SAMMSON: variants seen among roughly 807,000 people sequenced by gnomAD.
SAMMSON encodes long intergenic non-protein coding RNA 1212.
At chr3:70,142,233 A>G (rs188538531) in intron 4 of SAMMSON, among the ~76,000 whole-genome samples, 54 of 152,350 alleles carry the variant, frequency 3.5e-4, no homozygotes, top group Admixed American at 1.8e-3. Context: ...TTGCATATGC[A>G]TATTTATAGC....
At position 70,086,559 on chromosome 3, in the gene SAMMSON, G is replaced by T. The variant is rs117756508; in HGVS notation, n.507+14994G>T. Among the ~76,000 whole-genome samples, 155 of 152,268 alleles carry T rather than the reference G, an allele frequency of 1.0e-3. 2 individuals are homozygous for T. The East Asian group carries it at 0.025, about 24-fold the overall frequency. On this transcript the variant is annotated intron_variant and non_coding_transcript_variant, in intron 4 of 9. Transcript: ENST00000642114. ...ACCATGCTGAGTTCTGTCTGGGTTG[G>T]ATGCTAAAACAAGAGCCTCAGACTT...
intron 4 of SAMMSON, among the ~76,000 whole-genome samples, chr3:70,114,606 C>G (rs993462650): frequency 6.6e-6 from 1 of 152,120 alleles, no homozygotes; most frequent in Admixed American, 6.6e-5. Flanking sequence ...CACCTTCGTG[C>G]CTCTGTTTAG....
chr3:70,181,367 G>T (rs1701052175), intron 4 of SAMMSON, among the ~76,000 whole-genome samples: 1 of 152,174 alleles, frequency 6.6e-6, no homozygotes, highest in African/African-American at 2.4e-5. Flanking sequence ...ATGCAAGTGT[G>T]GTTTTTCTTG....
intron 2 of SAMMSON, among the ~76,000 whole-genome samples, chr3:70,433,057 T>G (rs1408276362): frequency 6.6e-6 from 1 of 152,092 alleles, no homozygotes; most frequent in Non-Finnish European, 1.5e-5. Context: ...ACAGTTTGTC[T>G]GTCCATTCAT....
At chr3:70,237,955 G>GAAAAGAAACT (rs2106639249) in intron 4 of SAMMSON, among the ~76,000 whole-genome samples, 1 of 124,166 alleles carries the variant, frequency 8.1e-6, no homozygotes, top group African/African-American at 3.2e-5. Context: ...AAAGAGAAGG[G>GAAAAGAAACT]AAAAGAAACT....
At chr3:70,305,387 G>A (rs1702390716) in intron 7 of SAMMSON, among the ~76,000 whole-genome samples, 1 of 152,120 alleles carries the variant, frequency 6.6e-6, no homozygotes, top group African/African-American at 2.4e-5. Context: ...AGTAAAAAGA[G>A]TCTCAAGATA....
At chr3:70,307,098 C>T (rs1252911506) in intron 7 of SAMMSON, among the ~76,000 whole-genome samples, 2 of 152,102 alleles carry the variant, frequency 1.3e-5, no homozygotes, top group Non-Finnish European at 2.9e-5. Flanking sequence ...TTTAGAGATA[C>T]ACCCTCCTAG....
intron 7 of SAMMSON, among the ~76,000 whole-genome samples, chr3:70,353,658 G>A (rs1702810170): frequency 6.6e-6 from 1 of 152,134 alleles, no homozygotes; most frequent in African/African-American, 2.4e-5. Context: ...CTGAAAAACA[G>A]TTTGGTAGTT....
chr3:70,126,007 G>C, intron 4 of SAMMSON: 1 of 828,268 alleles, frequency 1.2e-6, no homozygotes. Context: ...GGGAGGCTGC[G>C]CAGTAATTGA....
At chr3:70,046,917 ATCAGG>A (rs2067129119) in intron 3 of SAMMSON, among the ~76,000 whole-genome samples, 1 of 151,968 alleles carries the variant, frequency 6.6e-6, no homozygotes, top group Non-Finnish European at 1.5e-5. Context: ...CTCTGACATC[ATCAGG>A]GAAAGGCCTT....
chr3:70,389,783 G>A (rs1332940711), exon 10 of SAMMSON: 1 of 152,184 alleles, frequency 6.6e-6, no homozygotes, highest in East Asian at 1.9e-4. Context: ...TGAGGACCAG[G>A]AAGTGGTCAT....
intron 4 of SAMMSON, chr3:70,125,331 GT>G: frequency 7.0e-7 from 1 of 1,424,984 alleles, no homozygotes; most frequent in Non-Finnish European, 9.7e-7. Flanking sequence ...TCTTGAACAT[GT>G]TTAGCTAAAT....
At chr3:70,353,636 A>C (rs1434686736) in intron 7 of SAMMSON, among the ~76,000 whole-genome samples, 2 of 152,340 alleles carry the variant, frequency 1.3e-5, no homozygotes, top group East Asian at 3.9e-4. Context: ...AATGTAAAAT[A>C]GTAGAGCCAC....
intron 4 of SAMMSON, among the ~76,000 whole-genome samples, chr3:70,230,749 C>T (rs897635667): frequency 6.6e-6 from 1 of 152,166 alleles, no homozygotes; most frequent in Non-Finnish European, 1.5e-5. Flanking sequence ...CCCATGCCTT[C>T]ACCCTCCTTG....
chr3:70,026,476 T>C (rs2107582391), intron 3 of SAMMSON, among the ~76,000 whole-genome samples: 1 of 152,308 alleles, frequency 6.6e-6, no homozygotes, highest in Admixed American at 6.5e-5. Context: ...AGTAAAGCTT[T>C]CCTAAATATC....
intron 2 of SAMMSON, among the ~76,000 whole-genome samples, chr3:70,414,421 A>G (rs1701245910): frequency 6.6e-6 from 1 of 152,178 alleles, no homozygotes; most frequent in Non-Finnish European, 1.5e-5. Context: ...TTTCATAAAT[A>G]ACCAACCTAT....
chr3:70,153,061 G>A (rs1340260058), intron 4 of SAMMSON, among the ~76,000 whole-genome samples: 2 of 151,996 alleles, frequency 1.3e-5, no homozygotes, highest in East Asian at 3.9e-4. Flanking sequence ...GAATTGCAGA[G>A]CCAACACATT....
chr3:70,334,405 T>A (rs199909965), intron 7 of SAMMSON, among the ~76,000 whole-genome samples: 1 of 151,986 alleles, frequency 6.6e-6, no homozygotes, highest in South Asian at 2.1e-4. Flanking sequence ...TATATGTACA[T>A]AATATACAAA....
intron 4 of SAMMSON, among the ~76,000 whole-genome samples, chr3:70,229,361 G>A (rs968559242): frequency 1.3e-5 from 2 of 152,084 alleles, no homozygotes; most frequent in East Asian, 1.9e-4. Flanking sequence ...TGGTATATCC[G>A]ATCCTTCAAA....
Sources: gnomAD v4.1 joint callset for allele counts (sites outside exome capture counted in the v4.1 genomes callset) on GRCh38, gnomAD v4.1.1 for gene constraint, MANE v1.5 for transcripts, NCBI Gene and HGNC (gene_info 2026-07-23, HGNC 2026-07-21) for gene names.